SLC4A10: variants seen among roughly 807,000 people sequenced by gnomAD.
The protein encoded by SLC4A10 is solute carrier family 4 member 10.
Under a neutral mutation model 137.7 loss-of-function variants are expected in SLC4A10, and 42 were observed. That is an observed-to-expected ratio of 0.30 (90% CI 0.24 to 0.39). The LOEUF is 0.39. Among genes scored for constraint, SLC4A10 ranks in the 10% least tolerant of loss-of-function variants. The pLI is 1.00. For synonymous variants in SLC4A10, 474 were observed against 464.1 expected (o/e 1.02, Z -0.27); for missense variants, 925 against 1,355.0 (o/e 0.68, Z 4.98).
chr2:161,859,703 C>T (rs1401463771), intron 5 of SLC4A10, among the ~76,000 whole-genome samples: 1 of 150,692 alleles, frequency 6.6e-6, no homozygotes, highest in African/African-American at 2.4e-5. Flanking sequence ...CGGGTTCACG[C>T]CATTCCCCTG....
chr2:161,805,626 G>A (rs1289279062), intron 3 of SLC4A10, among the ~76,000 whole-genome samples: 2 of 152,154 alleles, frequency 1.3e-5, no homozygotes, highest in Admixed American at 1.3e-4. Flanking sequence ...ATCCAGCAAG[G>A]CAATCAAATC....
chr2:161,847,721 C>G (rs1211276100), intron 4 of SLC4A10, among the ~76,000 whole-genome samples: 4 of 152,170 alleles, frequency 2.6e-5, no homozygotes, highest in Non-Finnish European at 4.4e-5. Context: ...TTTTTTATAG[C>G]TGCATATTAT....
intron 3 of SLC4A10, among the ~76,000 whole-genome samples, chr2:161,828,767 C>CAT (rs58808663): frequency 0.014 from 605 of 41,956 alleles, 42 homozygotes; most frequent in African/African-American, 0.021. Flanking sequence ...AATTCTAATT[C>CAT]ATATATATAT....
chr2:161,661,430 C>A (rs900579428), intron 1 of SLC4A10, among the ~76,000 whole-genome samples: 3 of 152,216 alleles, frequency 2.0e-5, no homozygotes, highest in Admixed American at 2.0e-4. Context: ...GCCGAGATTG[C>A]ACCACTGCAC....
At chr2:161,934,080 C>T (rs1014935360) in intron 15 of SLC4A10, among the ~76,000 whole-genome samples, 8 of 151,922 alleles carry the variant, frequency 5.3e-5, no homozygotes, top group African/African-American at 9.7e-5. Context: ...ATTTTGATAC[C>T]GGCATTTTGA....
chr2:161,854,831 C>A, intron 4 of SLC4A10, 139 bp from the exon 5 acceptor site: 3 of 720,806 alleles, frequency 4.2e-6, no homozygotes, highest in Non-Finnish European at 6.0e-6. Context: ...ATGGCTTAGA[C>A]TAGCTTTTAT....
chr2:161,872,681 G>C (rs1237176905), intron 7 of SLC4A10, among the ~76,000 whole-genome samples: 1 of 152,014 alleles, frequency 6.6e-6, no homozygotes, highest in South Asian at 2.1e-4. Flanking sequence ...TTTAACAGAA[G>C]TTTAATCTAT....
chr2:161,654,531 T>C (rs2037245567), intron 1 of SLC4A10, among the ~76,000 whole-genome samples: 1 of 152,218 alleles, frequency 6.6e-6, no homozygotes, highest in South Asian at 2.1e-4. Flanking sequence ...GTTTAAGTCT[T>C]ACATCCATTT....
chr2:161,731,401 AAC>A (rs2046810053), intron 1 of SLC4A10, among the ~76,000 whole-genome samples: 1 of 152,178 alleles, frequency 6.6e-6, no homozygotes, highest in Admixed American at 6.5e-5. Flanking sequence ...AATAACAATA[AAC>A]ACATGTTATT....
At chr2:161,651,470 C>T (rs2036783186) in intron 1 of SLC4A10, among the ~76,000 whole-genome samples, 1 of 152,238 alleles carries the variant, frequency 6.6e-6, no homozygotes, top group Admixed American at 6.5e-5. Context: ...ACATGCCCCC[C>T]TGCTTGCCAT....
chr2:161,833,035 G>A (rs1295255156), intron 3 of SLC4A10, among the ~76,000 whole-genome samples: 2 of 152,206 alleles, frequency 1.3e-5, no homozygotes, highest in Non-Finnish European at 1.5e-5. Context: ...GTGCGCCACC[G>A]CGCCCGGCCG....
chr2:161,859,908 C>T (rs1332081399), intron 5 of SLC4A10, among the ~76,000 whole-genome samples: 1 of 152,108 alleles, frequency 6.6e-6, no homozygotes, highest in East Asian at 1.9e-4. Flanking sequence ...TCTCTTATCA[C>T]CCAGATCCTG....
At chr2:161,767,109 A>G (rs2050908249) in intron 1 of SLC4A10, among the ~76,000 whole-genome samples, 2 of 60,012 alleles carry the variant, frequency 3.3e-5, no homozygotes, top group African/African-American at 2.0e-4. Context: ...ATATATATAT[A>G]TATATATATA....
At chr2:161,697,875 T>G (rs1430827716) in intron 1 of SLC4A10, among the ~76,000 whole-genome samples, 4 of 152,252 alleles carry the variant, frequency 2.6e-5, no homozygotes, top group Non-Finnish European at 5.9e-5. Context: ...GGGATGGCAT[T>G]AAATCTATAA....
chr2:161,715,510 C>T (rs1429986351), intron 1 of SLC4A10, among the ~76,000 whole-genome samples: 1 of 152,046 alleles, frequency 6.6e-6, no homozygotes, highest in African/African-American at 2.4e-5. Flanking sequence ...TCACACACCC[C>T]TCAGCAGACC....
intron 19 of SLC4A10, among the ~76,000 whole-genome samples, chr2:161,954,178 T>C (rs1405713614): frequency 6.6e-6 from 1 of 152,234 alleles, no homozygotes; most frequent in East Asian, 1.9e-4. Context: ...GCATTTGATA[T>C]GTTCTTTTTT....
intron 12 of SLC4A10, among the ~76,000 whole-genome samples, chr2:161,902,505 G>A (rs1161065384): frequency 6.6e-6 from 1 of 152,058 alleles, no homozygotes; most frequent in Non-Finnish European, 1.5e-5. Context: ...TACCAAACAT[G>A]GGTAGAGAAG....
intron 4 of SLC4A10, among the ~76,000 whole-genome samples, chr2:161,841,693 C>A (rs996253709): frequency 1.3e-5 from 2 of 152,066 alleles, no homozygotes; most frequent in Non-Finnish European, 2.9e-5. Context: ...ACGAGACAAC[C>A]AAAATGGTTA....
intron 15 of SLC4A10, among the ~76,000 whole-genome samples, chr2:161,937,390 C>G (rs893283744): frequency 1.3e-5 from 2 of 152,138 alleles, no homozygotes; most frequent in African/African-American, 4.8e-5. Flanking sequence ...CATACCCCAT[C>G]TCTTCCTCCA....
Sources: allele counts gnomAD v4.1 joint callset (sites outside exome capture counted in the v4.1 genomes callset), GRCh38; gene constraint gnomAD v4.1.1; transcripts MANE v1.5; gene names NCBI Gene and HGNC (gene_info 2026-07-23, HGNC 2026-07-21).